The following NREP variants were observed in gnomAD, a reference collection of about 807,000 sequenced individuals.
The protein encoded by NREP is neuronal regeneration-related protein.
NREP carries 5 observed loss-of-function variants against 8.6 expected under a neutral mutation model. The ratio of observed to expected loss-of-function variants is 0.58; its 90% CI spans 0.30 to 1.22. NREP has a LOEUF of 1.22. Ranked by LOEUF, NREP falls within the 50% of genes most tolerant of loss-of-function variation. NREP has a pLI of 0.07. For missense variants in NREP, 86 were observed against 82.5 expected (o/e 1.04, Z -0.17); for synonymous variants, 27 against 28.0 (o/e 0.96, Z 0.11).
chr5:111,865,296 AC>A (rs1156757333), intron 2 of NREP, among the ~76,000 whole-genome samples: 2 of 152,180 alleles, frequency 1.3e-5, no homozygotes, highest in Non-Finnish European at 2.9e-5. Context: ...CAACAAGACA[AC>A]ATGGTCATCA....
rs145242284 is a variant in NREP at position 111,956,844 on chromosome 5, A to C, written c.135+18430T>G. Among the ~76,000 whole-genome samples, 110 of 152,024 alleles carry C rather than the reference A, an allele frequency of 7.2e-4. 1 individual carries two copies. Among genetic ancestry groups the C allele is most frequent in the African/African-American group, 2.6e-3 (108 of 41,486 alleles). ...CCAGGCGTGGTGGTGTATGCCTGTA[A>C]TCCCAGCTACTTGGGAGGCTGAGGC... On this transcript the variant is annotated intron_variant, in intron 2 of 3. Coordinates refer to the NREP transcript ENST00000395634.
chr5:111,803,492 G>A (rs555592580), intron 2 of NREP, among the ~76,000 whole-genome samples: 3 of 152,104 alleles, frequency 2.0e-5, no homozygotes, highest in Non-Finnish European at 4.4e-5. Context: ...CTTTCATTGC[G>A]TTCCTTTCAA....
chr5:111,758,101 G>A (rs1431866222), upstream of NREP: 3 of 985,514 alleles, frequency 3.0e-6, no homozygotes, highest in Non-Finnish European at 3.6e-6. Context: ...ATTTGCACAC[G>A]GCCTCGGGTC....
chr5:111,898,638 G>A (rs1754571219), intron 2 of NREP, among the ~76,000 whole-genome samples: 1 of 152,130 alleles, frequency 6.6e-6, no homozygotes, highest in Non-Finnish European at 1.5e-5. Context: ...GTAGGACTCT[G>A]AAGCAACTGT....
chr5:111,771,592 G>A (rs949532266), intron 2 of NREP, among the ~76,000 whole-genome samples: 2 of 151,854 alleles, frequency 1.3e-5, no homozygotes, highest in African/African-American at 2.4e-5. Context: ...GAGAAAACTC[G>A]TCTCTACTAA....
intron 2 of NREP, among the ~76,000 whole-genome samples, chr5:111,863,256 T>A (rs1034349286): frequency 6.6e-6 from 1 of 152,014 alleles, no homozygotes; most frequent in Non-Finnish European, 1.5e-5. Context: ...GGAGAGTGAG[T>A]AAGAGAAGAA....
intron 2 of NREP, among the ~76,000 whole-genome samples, chr5:111,910,625 G>A (rs77153264): frequency 0.024 from 3,576 of 152,108 alleles, 147 homozygotes; most frequent in African/African-American, 0.08. Flanking sequence ...ATGGGTTTAG[G>A]CATGAAGATT....
chr5:111,776,895 C>T (rs148983195), intron 2 of NREP, among the ~76,000 whole-genome samples: 3 of 151,928 alleles, frequency 2.0e-5, no homozygotes, highest in African/African-American at 7.3e-5. Context: ...TCATGTGTTA[C>T]CTTATGATAT....
At chr5:111,920,865 T>C (rs575190474) in intron 2 of NREP, among the ~76,000 whole-genome samples, 14 of 152,148 alleles carry the variant, frequency 9.2e-5, no homozygotes, top group Non-Finnish European at 1.8e-4. Flanking sequence ...GTTCCCACTG[T>C]GTGAGCCATC....
rs1484730918 is a variant in NREP, at chr5:111,975,351, G to A, written c.58C>T (p.Gln20Ter). ...ACTCTGTCTGTCATCCTGCTCCTCT[G>A]GGTTCGTGTTTCATCTTCTCTTCGG... The change falls in exon 2 of 4, where the codon CAG (glutamine) becomes TAG (stop). Residue 20 changes from glutamine (Q) to a stop codon, truncating the protein, a stop_gained. Transcript: ENST00000395634. LOFTEE classifies it high-confidence loss of function. 2 of 1,551,632 alleles carry A rather than the reference G, an allele frequency of 1.3e-6. No homozygotes were observed. Among genetic ancestry groups the A allele is most frequent in the Non-Finnish European group, 1.7e-6 (2 of 1,146,938 alleles).
intron 2 of NREP, among the ~76,000 whole-genome samples, chr5:111,860,400 G>C (rs1289048897): frequency 6.6e-6 from 1 of 151,974 alleles, no homozygotes; most frequent in Non-Finnish European, 1.5e-5. Context: ...TTTAATCCTA[G>C]ATATCATCAG....
chr5:111,886,535 C>T lies in NREP; in HGVS notation c.135+88739G>A, dbSNP rs556686850. On this transcript the variant is annotated intron_variant, in intron 2 of 3. Coordinates refer to the NREP transcript ENST00000395634. ...GACACATGCACACGTATGTTTATTG[C>T]GGCATTATTCACAATAGCAAAGACT... 2.8e-3 allele frequency among the ~76,000 whole-genome samples: 423 copies of T among 151,336 alleles called. 3 individuals carry two copies. Among genetic ancestry groups the T allele is most frequent in the African/African-American group, 8.9e-3 (366 of 41,184 alleles).
chr5:111,779,378 TG>T (rs1751439270), intron 2 of NREP, among the ~76,000 whole-genome samples: 2 of 152,210 alleles, frequency 1.3e-5, no homozygotes, highest in African/African-American at 4.8e-5. Context: ...CTTCTGTCTC[TG>T]CCGGGAGGTT....
intron 2 of NREP, among the ~76,000 whole-genome samples, chr5:111,821,273 A>T (rs1308501865): frequency 6.6e-6 from 1 of 152,180 alleles, no homozygotes; most frequent in East Asian, 1.9e-4. Context: ...ACTATGAGGA[A>T]TTATAAGATC....
intron 2 of NREP, among the ~76,000 whole-genome samples, chr5:111,807,309 A>G (rs1208529501): frequency 6.6e-6 from 1 of 152,138 alleles, no homozygotes; most frequent in African/African-American, 2.4e-5. Context: ...ATCAAGTCCC[A>G]TCAGGTTATT....
chr5:111,935,725 A>G (rs947704710), intron 2 of NREP, among the ~76,000 whole-genome samples: 2 of 152,106 alleles, frequency 1.3e-5, no homozygotes, highest in African/African-American at 4.8e-5. Flanking sequence ...CTCTTTCAGA[A>G]ATGTAAAATG....
chr5:111,937,029 T>A (rs1408351020), intron 2 of NREP, among the ~76,000 whole-genome samples: 1 of 152,082 alleles, frequency 6.6e-6, no homozygotes, highest in Non-Finnish European at 1.5e-5. Flanking sequence ...TGACTTCATT[T>A]CCTGCCCTGG....
intron 2 of NREP, among the ~76,000 whole-genome samples, chr5:111,877,291 G>C (rs1753932300): frequency 6.6e-6 from 1 of 152,108 alleles, no homozygotes. Flanking sequence ...TGATTGCCCT[G>C]TCACTTTTCA....
chr5:111,763,500 TGTCCTCCTGGAG>T, intron 2 of NREP, among the ~76,000 whole-genome samples: 1 of 152,224 alleles, frequency 6.6e-6, no homozygotes, highest in East Asian at 1.9e-4. Context: ...AAGTCAAGTT[TGTCCTCCTGGAG>T]GTGAAGAACA....
Sources: gnomAD v4.1 joint callset for allele counts (sites outside exome capture counted in the v4.1 genomes callset) on GRCh38, gnomAD v4.1.1 for gene constraint, MANE v1.5 for transcripts, NCBI Gene and HGNC (gene_info 2026-07-23, HGNC 2026-07-21) for gene names.